The following DIS3L2 variants were observed in gnomAD, a reference collection of about 807,000 sequenced individuals.
DIS3L2 encodes the protein DIS3-like exonuclease 2.
Under a neutral mutation model 97.5 loss-of-function variants are expected in DIS3L2, and 34 were observed. The observed-to-expected ratio is 0.35, with a 90% confidence interval of 0.27 to 0.46. The LOEUF (loss-of-function observed/expected upper bound fraction) is 0.46, where lower values mean the gene tolerates loss of function less well. DIS3L2 is among the 20% of genes least tolerant of loss of function. DIS3L2 has a pLI of 1.00. For synonymous variants in DIS3L2, 435 were observed against 445.2 expected (o/e 0.98, Z 0.29); for missense variants, 1,038 against 1,146.0 (o/e 0.91, Z 1.36).
At position 232,063,990 on chromosome 2, in the gene DIS3L2, T is replaced by G. The variant is rs76803230; in HGVS notation, c.367-23497T>G. Among the ~76,000 whole-genome samples, 6,811 of 152,210 alleles carry G rather than the reference T, an allele frequency of 0.045. 829 individuals are homozygous for G. The East Asian group carries it at 0.47, about 11-fold the overall frequency. ...GTAGTTTGGGTGTTTTTATGGAGTT[T>G]TGCACTTTTCCTGTGTATAGATGCT... On this transcript the variant is annotated intron_variant, in intron 5 of 20. Coordinates refer to ENST00000325385, the MANE Select transcript of DIS3L2 (RefSeq NM_152383.5).
chr2:232,186,916 A>G (rs1296999441), intron 9 of DIS3L2, among the ~76,000 whole-genome samples: 2 of 152,232 alleles, frequency 1.3e-5, no homozygotes, highest in Admixed American at 6.5e-5. Context: ...CCAAGGAAGA[A>G]GTGACAAAAT....
chr2:232,053,336 G>A (rs1695458531), intron 5 of DIS3L2, among the ~76,000 whole-genome samples: 1 of 152,146 alleles, frequency 6.6e-6, no homozygotes, highest in Admixed American at 6.5e-5. Context: ...AAAGCAAGGA[G>A]AATACTTACA....
chr2:232,054,894 G>C (rs1695502462), intron 5 of DIS3L2, among the ~76,000 whole-genome samples: 1 of 152,120 alleles, frequency 6.6e-6, no homozygotes, highest in Non-Finnish European at 1.5e-5. Context: ...ATATGTTGTA[G>C]GGATAATAGA....
At chr2:232,176,494 A>G (rs1691158380) in intron 9 of DIS3L2, among the ~76,000 whole-genome samples, 1 of 138,944 alleles carries the variant, frequency 7.2e-6, no homozygotes, top group African/African-American at 2.7e-5. Context: ...AATCTTTGTT[A>G]TTTTCTTTTT....
intron 6 of DIS3L2, among the ~76,000 whole-genome samples, chr2:232,099,554 AT>A (rs949702483): frequency 3.3e-5 from 5 of 152,054 alleles, no homozygotes; most frequent in African/African-American, 1.2e-4. Flanking sequence ...TGGATCTTTG[AT>A]TTTTTTGTTA....
At chr2:232,253,063 A>G (rs1179445695) in intron 12 of DIS3L2, among the ~76,000 whole-genome samples, 2 of 152,246 alleles carry the variant, frequency 1.3e-5, no homozygotes, top group Non-Finnish European at 2.9e-5. Context: ...AAAATGAGCA[A>G]TCAGTTCACT....
At chr2:232,149,532 A>G (rs1338904377) in intron 8 of DIS3L2, among the ~76,000 whole-genome samples, 1 of 149,014 alleles carries the variant, frequency 6.7e-6, no homozygotes, top group Non-Finnish European at 1.5e-5. Flanking sequence ...TGAACTCATC[A>G]TTTTTATGGC....
At chr2:232,316,530 G>A (rs545506059) in intron 14 of DIS3L2, among the ~76,000 whole-genome samples, 6 of 152,256 alleles carry the variant, frequency 3.9e-5, no homozygotes, top group South Asian at 2.1e-4. Context: ...TGTGGGGAGC[G>A]TGGAATCTGT....
chr2:232,335,458 G>A lies in DIS3L2; in HGVS notation c.2395-315G>A, dbSNP rs1391432685. ...CTGCACTGACAGATGGCACCAGCAG[G>A]GGGCGCAGCGCTCCGCCGCCACAGT... On this transcript the variant is annotated intron_variant, in intron 19 of 20. Coordinates refer to ENST00000325385, the MANE Select transcript of DIS3L2 (RefSeq NM_152383.5). The A allele has an allele frequency of 7.0e-5, 24 of 343,206 alleles. No homozygotes were observed. In the East Asian group the frequency reaches 1.4e-3, roughly 20 times the overall value. 21.3% of individuals were successfully genotyped at this position (343,206 alleles called of 1,614,324 possible).
chr2:231,973,902 ATAAT>A (rs1262919114), intron 1 of DIS3L2, among the ~76,000 whole-genome samples: 1 of 152,154 alleles, frequency 6.6e-6, no homozygotes, highest in Non-Finnish European at 1.5e-5. Flanking sequence ...CACAATAATA[ATAAT>A]TAATAATAAA....
intron 5 of DIS3L2, among the ~76,000 whole-genome samples, chr2:232,072,783 G>GGTGTGTGTGTGTGTGTGT (rs56884799): frequency 9.3e-5 from 13 of 139,906 alleles, no homozygotes; most frequent in African/African-American, 3.1e-4. Flanking sequence ...TGGGATGTGG[G>GGTGTGTGTGTGTGTGTGT]GTGTGTGTGT....
chr2:232,055,855 C>G (rs2342292), intron 5 of DIS3L2, among the ~76,000 whole-genome samples: 142,241 of 152,296 alleles, frequency 0.93, 66,514 homozygotes, highest in East Asian at 1. Context: ...GAACAGTGCA[C>G]TGCAGTGGAG....
intron 2 of DIS3L2, 44 bp from the exon 3 acceptor site, chr2:232,015,470 A>G: frequency 6.3e-7 from 1 of 1,596,428 alleles, no homozygotes; most frequent in Non-Finnish European, 8.5e-7. Context: ...TTAAAAATAC[A>G]CAGATGTTTG....
At chr2:232,229,577 T>G (rs1692737841) in intron 10 of DIS3L2, among the ~76,000 whole-genome samples, 1 of 152,236 alleles carries the variant, frequency 6.6e-6, no homozygotes, top group South Asian at 2.1e-4. Flanking sequence ...CTCATTCTCT[T>G]TCCTGTTAAT....
chr2:232,221,214 G>C (rs1450928012), intron 10 of DIS3L2, among the ~76,000 whole-genome samples: 1 of 152,124 alleles, frequency 6.6e-6, no homozygotes, highest in African/African-American at 2.4e-5. Flanking sequence ...CAGAAATCAG[G>C]TGACAGTTTA....
At chr2:231,970,703 C>A (rs571874401) in intron 1 of DIS3L2, among the ~76,000 whole-genome samples, 1 of 152,038 alleles carries the variant, frequency 6.6e-6, no homozygotes, top group Non-Finnish European at 1.5e-5. Flanking sequence ...GCACTACTGT[C>A]GACTTTACAA....
Position 232,015,646 on chromosome 2 carries a change from G to C in DIS3L2, c.185G>C (p.Gly62Ala). 6.2e-7 allele frequency: 1 copy of C among 1,613,948 alleles called. No individual in the cohort carries two copies. Among genetic ancestry groups the C allele is most frequent in the East Asian group, 2.2e-5 (1 of 44,874 alleles). Reference sequence around the variant, plus strand: ...ATGTCCAAGGAGGATGTTTCAGAAGGCTTGAAGAGAGGAACACTCATCCAG... The same window carrying C: ...ATGTCCAAGGAGGATGTTTCAGAAGCCTTGAAGAGAGGAACACTCATCCAG... ...TYMSKEDVSE[G>A]LKRGTLIQGV... Residue 62 changes from glycine (G) to alanine (A), a missense_variant, in exon 3 of 21, where the codon GGC becomes GCC. Transcript: ENST00000325385.
At chr2:232,099,100 A>C (rs934055131) in intron 6 of DIS3L2, among the ~76,000 whole-genome samples, 2 of 152,052 alleles carry the variant, frequency 1.3e-5, no homozygotes, top group African/African-American at 4.8e-5. Flanking sequence ...TTCTAAGTCT[A>C]TTTCTGATGT....
intron 1 of DIS3L2, among the ~76,000 whole-genome samples, chr2:231,990,111 T>G (rs1466334511): frequency 1.3e-5 from 2 of 152,178 alleles, no homozygotes; most frequent in Admixed American, 6.5e-5. Flanking sequence ...CAAGATCCTT[T>G]TATTTGATAT....
Sources: gnomAD v4.1 joint callset for allele counts (sites outside exome capture counted in the v4.1 genomes callset) on GRCh38, gnomAD v4.1.1 for gene constraint, MANE v1.5 for transcripts, NCBI Gene and HGNC (gene_info 2026-07-23, HGNC 2026-07-21) for gene names.